COLGALT2: variants seen among roughly 807,000 people sequenced by gnomAD.
The protein encoded by COLGALT2 is procollagen galactosyltransferase 2.
Under a neutral mutation model 73.4 loss-of-function variants are expected in COLGALT2, and 49 were observed. The observed-to-expected ratio is 0.67, with a 90% CI of 0.53 to 0.85. COLGALT2 has a LOEUF of 0.85. COLGALT2 is among the 40% of genes least tolerant of loss of function. COLGALT2 has a pLI of 0.00. For synonymous variants in COLGALT2, 295 were observed against 307.6 expected, an observed-to-expected ratio of 0.96 and a Z score of 0.43; for missense variants, 722 against 790.2, an observed-to-expected ratio of 0.91 and a Z score of 1.03.
chr1:183,986,554 A>G (rs1216478200), intron 1 of COLGALT2, among the ~76,000 whole-genome samples: 1 of 152,212 alleles, frequency 6.6e-6, no homozygotes, highest in Non-Finnish European at 1.5e-5. Context: ...TCCTGATGGT[A>G]AAATTTGCTG....
chr1:183,931,222 C>CA (rs1669837930), downstream of COLGALT2, among the ~76,000 whole-genome samples: 2 of 152,214 alleles, frequency 1.3e-5, no homozygotes, highest in African/African-American at 4.8e-5. Context: ...TCCTGACAGA[C>CA]ACTTCCACAG....
chr1:183,938,851 C>A lies in COLGALT2; in HGVS notation c.1791G>T (p.Lys597Asn). ...TGGCATTGCTGTAGATGCGGCTTTG[C>A]TTCCGGGACTTCCAGGCATGTGTCC... ...WDRTHAWKSR[K>N]QSRIYSNAKN... is the part of the protein sequence containing the mutation. Residue 597 changes from lysine (K) to asparagine (N), a missense_variant, in exon 12 of 12, where the codon AAG becomes AAT. Physicochemically the swap from Lys to Asn is moderately conservative, Grantham distance 94. Coordinates refer to ENST00000361927, the MANE Select transcript of COLGALT2 (RefSeq NM_015101.4). 6.2e-7 allele frequency: 1 copy of A among 1,614,172 alleles called. No individual in the cohort carries two copies. The highest frequency in any genetic ancestry group is 1.3e-5 in the African/African-American group (1 of 75,050).
intron 5 of COLGALT2, among the ~76,000 whole-genome samples, chr1:183,969,044 T>G (rs1359428578): frequency 1.3e-5 from 2 of 151,746 alleles, no homozygotes; most frequent in African/African-American, 4.8e-5. Flanking sequence ...TCCCTCCAAC[T>G]CAAAATAGAG....
intron 6 of COLGALT2, among the ~76,000 whole-genome samples, chr1:183,956,977 T>A (rs1010595335): frequency 2.6e-5 from 4 of 152,170 alleles, no homozygotes; most frequent in African/African-American, 9.7e-5. Context: ...TCTGACTCCA[T>A]CTTTCATAAT....
chr1:183,939,473 C>A (rs6701770), intron 11 of COLGALT2, among the ~76,000 whole-genome samples: 44,128 of 152,046 alleles, frequency 0.29, 6,592 homozygotes, highest in East Asian at 0.48. Context: ...TGCTCTAGCT[C>A]CCTGCTCACC....
At chr1:184,018,612 T>C (rs1175600704) in intron 1 of COLGALT2, among the ~76,000 whole-genome samples, 1 of 152,164 alleles carries the variant, frequency 6.6e-6, no homozygotes, top group Non-Finnish European at 1.5e-5. Context: ...CACTATAAAC[T>C]TTTTTCAGAC....
intron 4 of COLGALT2, among the ~76,000 whole-genome samples, chr1:183,972,815 T>C (rs1017756277): frequency 6.6e-6 from 1 of 152,046 alleles, no homozygotes; most frequent in Non-Finnish European, 1.5e-5. Flanking sequence ...TTCTCCTGCC[T>C]CAGCCTTCCG....
intron 1 of COLGALT2, among the ~76,000 whole-genome samples, chr1:184,003,364 C>T (rs1037154903): frequency 3.4e-5 from 4 of 117,960 alleles, no homozygotes; most frequent in African/African-American, 2.3e-4. Flanking sequence ...GGCTGCCATG[C>T]TGTGAGGAAG....
At chr1:184,003,652 T>C (rs1671990348) in intron 1 of COLGALT2, among the ~76,000 whole-genome samples, 1 of 152,170 alleles carries the variant, frequency 6.6e-6, no homozygotes, top group African/African-American at 2.4e-5. Context: ...AAAACAGTTG[T>C]GCTTTTTTGA....
At chr1:183,941,905 A>AT (rs1670123236) in intron 10 of COLGALT2, among the ~76,000 whole-genome samples, 1 of 147,722 alleles carries the variant, frequency 6.8e-6, no homozygotes, top group South Asian at 2.2e-4. Flanking sequence ...TGAAATATAT[A>AT]TATTTTTTCC....
chr1:184,025,277 T>C (rs1649300420), intron 1 of COLGALT2, among the ~76,000 whole-genome samples: 1 of 152,206 alleles, frequency 6.6e-6, no homozygotes, highest in African/African-American at 2.4e-5. Flanking sequence ...CGTCAAAGCT[T>C]TGAAGCTGGG....
downstream of COLGALT2, among the ~76,000 whole-genome samples, chr1:183,935,305 G>A (rs1339731989): frequency 6.6e-6 from 1 of 152,220 alleles, no homozygotes; most frequent in East Asian, 1.9e-4. Flanking sequence ...CCACACAGCA[G>A]TAGGGACCTT....
At chr1:183,935,453 G>A (rs1284755959), downstream of COLGALT2, among the ~76,000 whole-genome samples, 2 of 152,132 alleles carry the variant, frequency 1.3e-5, no homozygotes, top group African/African-American at 4.8e-5. Flanking sequence ...TTTTCTTTTT[G>A]TTGCTGCTGT....
rs1649184848 is a variant in COLGALT2, at chr1:184,021,620, T to C, written c.263+15475A>G. Among the ~76,000 whole-genome samples the C allele has an allele frequency of 2.0e-5, 3 of 152,306 alleles. No homozygotes were observed. The South Asian group carries it at 6.2e-4, about 32-fold the overall frequency. ...TCCAGAACCATGAGCCAGTGAATTCTGTTCATTATAAATTATTACCCAGTC... is the reference window on the plus strand; with the variant it reads ...TCCAGAACCATGAGCCAGTGAATTCCGTTCATTATAAATTATTACCCAGTC... On this transcript the variant is annotated intron_variant, in intron 1 of 11. Transcript: ENST00000361927.
intron 1 of COLGALT2, among the ~76,000 whole-genome samples, chr1:184,017,406 T>G (rs1649036720): frequency 6.6e-6 from 1 of 152,190 alleles, no homozygotes. Flanking sequence ...TTGTTTCTCC[T>G]CCGGCCCTCA....
intron 7 of COLGALT2, among the ~76,000 whole-genome samples, chr1:183,953,896 T>C (rs138694641): frequency 2.6e-5 from 4 of 152,336 alleles, no homozygotes; most frequent in African/African-American, 7.2e-5. Flanking sequence ...TGTATGTATA[T>C]GTTACCATGT....
intron 1 of COLGALT2, among the ~76,000 whole-genome samples, chr1:184,035,028 C>T (rs1649627610): frequency 6.6e-6 from 1 of 152,190 alleles, no homozygotes; most frequent in Non-Finnish European, 1.5e-5. Context: ...GAAGAGTCTT[C>T]AATGACTGAC....
At chr1:183,961,883 A>G (rs1184605971) in intron 6 of COLGALT2, among the ~76,000 whole-genome samples, 1 of 152,212 alleles carries the variant, frequency 6.6e-6, no homozygotes, top group Non-Finnish European at 1.5e-5. Context: ...AAATTCGCAA[A>G]GGAGATTCCT....
At chr1:183,959,297 T>A (rs957367026) in intron 6 of COLGALT2, among the ~76,000 whole-genome samples, 1 of 152,174 alleles carries the variant, frequency 6.6e-6, no homozygotes, top group African/African-American at 2.4e-5. Context: ...CAAATATCTG[T>A]CTCTAGCTGG....
Sources: gnomAD v4.1 joint callset for allele counts (sites outside exome capture counted in the v4.1 genomes callset) on GRCh38, gnomAD v4.1.1 for gene constraint, MANE v1.5 for transcripts, NCBI Gene and HGNC (gene_info 2026-07-23, HGNC 2026-07-21) for gene names.